Variants in R3HDM1 observed in about 807,000 individuals in gnomAD.
R3HDM1 encodes R3H domain containing 1, also known as R3H domain-containing protein 1.
A neutral mutation model predicts 141.1 loss-of-function variants in R3HDM1; 46 were observed. The ratio of observed to expected loss-of-function variants is 0.33; its 90% confidence interval spans 0.26 to 0.42. The LOEUF (loss-of-function observed/expected upper bound fraction) is 0.42, where lower values mean the gene tolerates loss of function less well. Ranked by LOEUF, R3HDM1 falls within the 10% of genes least tolerant of loss-of-function variation. The pLI is 1.00. For synonymous variants in R3HDM1, 435 were observed against 472.9 expected, an observed-to-expected ratio of 0.92 and a Z score of 1.04; for missense variants, 1,184 against 1,368.3, an observed-to-expected ratio of 0.87 and a Z score of 2.12.
intron 21 of R3HDM1, among the ~76,000 whole-genome samples, chr2:135,704,248 G>A (rs2074602701): frequency 6.6e-6 from 1 of 152,172 alleles, no homozygotes; most frequent in African/African-American, 2.4e-5. Context: ...CCAGAGTGCT[G>A]GGATTACAGG....
chr2:135,630,312 A>ACAAAC (rs1308516759), intron 7 of R3HDM1, among the ~76,000 whole-genome samples: 1 of 150,052 alleles, frequency 6.7e-6, no homozygotes, highest in African/African-American at 2.5e-5. Context: ...AAAAAAACAA[A>ACAAAC]AAAAAAACGA....
intron 18 of R3HDM1, among the ~76,000 whole-genome samples, chr2:135,656,103 A>G (rs1574762836): frequency 6.6e-6 from 1 of 152,028 alleles, no homozygotes; most frequent in East Asian, 1.9e-4. Flanking sequence ...ATATTAAACA[A>G]TTTATATTTA....
chr2:135,604,545 C>G (rs967943571), intron 2 of R3HDM1, among the ~76,000 whole-genome samples: 2 of 152,160 alleles, frequency 1.3e-5, no homozygotes, highest in East Asian at 3.9e-4. Flanking sequence ...AGTCATCCTG[C>G]CTGACTCCCA....
intron 17 of R3HDM1, 86 bp from the exon 18 acceptor site, chr2:135,651,644 T>G (rs1574711183): frequency 6.7e-7 from 1 of 1,487,490 alleles, no homozygotes; most frequent in East Asian, 2.3e-5. Flanking sequence ...CTATTGCATC[T>G]TATTTAAAAA....
intron 2 of R3HDM1, among the ~76,000 whole-genome samples, chr2:135,604,125 G>A (rs768240613): frequency 6.6e-6 from 1 of 152,150 alleles, no homozygotes; most frequent in Non-Finnish European, 1.5e-5. Flanking sequence ...TAATTCAGGA[G>A]AGTTTTCAAT....
intron 1 of R3HDM1, chr2:135,536,753 C>G (rs1696214645): frequency 1.0e-6 from 1 of 974,176 alleles, no homozygotes. Flanking sequence ...GGTCCCCAAC[C>G]CTTAGGAGCT....
intron 1 of R3HDM1, chr2:135,597,238 G>A: frequency 1.0e-6 from 1 of 979,164 alleles, no homozygotes. Context: ...CCTCTTCATG[G>A]TTTAACGAAC....
In R3HDM1 at chr2:135,638,632, A is replaced by G. The variant is rs767199954; in HGVS notation, c.918A>G (p.Gln306=). 1.2e-6 allele frequency: 2 copies of G among 1,610,076 alleles called. No homozygotes were observed. Among genetic ancestry groups the G allele is most frequent in the African/African-American group, 1.3e-5 (1 of 74,966 alleles). Residue 306 remains glutamine (Q), a synonymous_variant, in exon 12 of 27, where the codon CAA becomes CAG. Coordinates refer to ENST00000683871, the MANE Select transcript of R3HDM1 (RefSeq NM_001378107.1). ...CTTTTTTCTAGTCCCTGTGTTCCCA[A>G]GAGAATTACATTATTGACAAAAGGT... is the stretch of plus-strand genomic sequence containing the variant. ...RIFSQDSLCS[Q]ENYIIDKRLQ... is the part of the protein sequence containing the mutation.
At chr2:135,546,217 C>G (rs1158527815) in intron 1 of R3HDM1, among the ~76,000 whole-genome samples, 1 of 152,128 alleles carries the variant, frequency 6.6e-6, no homozygotes, top group African/African-American at 2.4e-5. Flanking sequence ...TTGTTCTGTT[C>G]TCTTTTTTGT....
intron 1 of R3HDM1, 190 bp downstream of exon 1, chr2:135,531,823 G>A: frequency 3.0e-6 from 3 of 985,364 alleles, no homozygotes; most frequent in Non-Finnish European, 3.6e-6. Flanking sequence ...TCCCGCTGCT[G>A]CCAGCCCGCC....
chr2:135,630,664 C>T (rs1481376747), intron 7 of R3HDM1, among the ~76,000 whole-genome samples: 1 of 152,126 alleles, frequency 6.6e-6, no homozygotes, highest in Non-Finnish European at 1.5e-5. Context: ...ACCAGTTCTT[C>T]TATTGAAATT....
chr2:135,604,813 G>A lies in R3HDM1; in HGVS notation c.-33G>A, dbSNP rs2059914799. On this transcript the variant is annotated 5_prime_UTR_variant, in exon 3 of 27. Coordinates refer to ENST00000683871, the MANE Select transcript of R3HDM1 (RefSeq NM_001378107.1). ...TAATTTTTTTTTCTTAAGGCTTCAA[G>A]CTCCCTGTAGAATTCGAAAATAACC... is the stretch of plus-strand genomic sequence containing the variant. The A allele has an allele frequency of 1.9e-6, 3 of 1,604,518 alleles. No homozygotes were observed. The highest frequency in any genetic ancestry group is 2.6e-6 in the Non-Finnish European group (3 of 1,174,152).
chr2:135,711,395 C>T (rs568624242), intron 23 of R3HDM1, among the ~76,000 whole-genome samples: 2 of 152,310 alleles, frequency 1.3e-5, no homozygotes, highest in African/African-American at 4.8e-5. Context: ...AGGCCAGGCG[C>T]AGTGGCTCAT....
intron 3 of R3HDM1, among the ~76,000 whole-genome samples, chr2:135,611,477 T>C (rs2060545862): frequency 6.6e-6 from 1 of 152,184 alleles, no homozygotes; most frequent in African/African-American, 2.4e-5. Context: ...AATGTTATAA[T>C]TGTTACTATT....
chr2:135,631,021 A>G (rs2062656392), intron 7 of R3HDM1, among the ~76,000 whole-genome samples: 1 of 152,126 alleles, frequency 6.6e-6, no homozygotes, highest in African/African-American at 2.4e-5. Flanking sequence ...TTTTTGGTTC[A>G]CTTAGATTTT....
chr2:135,594,548 G>C (rs1710123934), intron 1 of R3HDM1, among the ~76,000 whole-genome samples: 1 of 152,120 alleles, frequency 6.6e-6, no homozygotes, highest in Non-Finnish European at 1.5e-5. Context: ...CCACCCCTTA[G>C]TGACTCAGTC....
chr2:135,609,299 G>A (rs1376391054), intron 3 of R3HDM1, among the ~76,000 whole-genome samples: 1 of 152,104 alleles, frequency 6.6e-6, no homozygotes, highest in East Asian at 1.9e-4. Flanking sequence ...GTTTTGGACT[G>A]TAATATTTTA....
chr2:135,546,571 A>G (rs1033920737), intron 1 of R3HDM1, among the ~76,000 whole-genome samples: 6 of 152,154 alleles, frequency 3.9e-5, no homozygotes, highest in African/African-American at 1.4e-4. Context: ...TGTATTACAT[A>G]TTGTTGCTGA....
intron 21 of R3HDM1, among the ~76,000 whole-genome samples, chr2:135,707,259 C>G (rs2075068339): frequency 6.6e-6 from 1 of 152,182 alleles, no homozygotes. Context: ...AGAACTGATT[C>G]ATCTCTGGTA....
Sources: gnomAD v4.1 joint callset for allele counts (sites outside exome capture counted in the v4.1 genomes callset) on GRCh38, gnomAD v4.1.1 for gene constraint, MANE v1.5 for transcripts, NCBI Gene and HGNC (gene_info 2026-07-23, HGNC 2026-07-21) for gene names.